Variants in TCFL5 observed in about 807,000 individuals in gnomAD.
TCFL5 encodes the protein transcription factor-like 5 protein.
TCFL5 carries 9 observed loss-of-function variants against 44.3 expected under a neutral mutation model. The observed-to-expected ratio is 0.20, with a 90% CI of 0.12 to 0.35. The LOEUF is 0.35. Ranked by LOEUF, TCFL5 falls within the 10% of genes least tolerant of loss-of-function variation. The pLI is 1.00. For synonymous variants in TCFL5, 319 were observed against 271.6 expected (o/e 1.17, Z -1.72); for missense variants, 603 against 613.4 (o/e 0.98, Z 0.18).
intron 2 of TCFL5, among the ~76,000 whole-genome samples, chr20:62,859,734 T>TG (rs1310196597): frequency 6.6e-6 from 1 of 152,012 alleles, no homozygotes; most frequent in African/African-American, 2.4e-5. Flanking sequence ...TTTGTTTTTT[T>TG]TTTTGAGACA....
In TCFL5 at chr20:62,860,106, C is replaced by T; in HGVS notation, c.831+19G>A. 2 of 1,589,232 alleles carry T rather than the reference C, an allele frequency of 1.3e-6. No homozygotes were observed. The highest frequency in any genetic ancestry group is 1.7e-6 in the Non-Finnish European group (2 of 1,162,196). On this transcript the variant is annotated intron_variant, in intron 2 of 5. Transcript: ENST00000335351. ...CATTTAATACAAAAGAGCAAAGCTT[C>T]ACAAATCATGTTCCCTACCTGTGTC...
intron 3 of TCFL5, 74 bp from the exon 4 acceptor site, chr20:62,857,712 C>CT: frequency 6.5e-7 from 1 of 1,531,218 alleles, no homozygotes; most frequent in Non-Finnish European, 8.8e-7. Context: ...CAGTTTTGGC[C>CT]TTTTCAATCC....
Position 62,842,671 on chromosome 20 carries a change from G to A in TCFL5, c.1381-574C>T, listed in dbSNP as rs1376245623. 6.6e-6 allele frequency among the ~76,000 whole-genome samples: 1 copy of A among 152,188 alleles called. No homozygotes were observed. The highest frequency in any genetic ancestry group is 6.5e-5 in the Admixed American group (1 of 15,284). On this transcript the variant is annotated intron_variant, in intron 5 of 5. Transcript: ENST00000335351. This position sits in a 1 kb window ranked among gnomAD's most constrained non-coding sequence, Gnocchi z 4.3. The stretch of plus-strand genomic sequence containing the variant: ...CCAGCTACTTGGGAGGCTGAGGCAG[G>A]ACAATCTCTTGAGCCTGGGAGGTGG...
intron 5 of TCFL5, among the ~76,000 whole-genome samples, chr20:62,848,400 T>G: frequency 6.6e-6 from 1 of 152,216 alleles, no homozygotes; most frequent in East Asian, 1.9e-4. Flanking sequence ...ATAACAGTCT[T>G]GCACCAATGT....
chr20:62,851,570 T>C (rs893172525), intron 5 of TCFL5: 33 of 985,278 alleles, frequency 3.3e-5, no homozygotes, highest in East Asian at 1.1e-4. Context: ...AGTAACTGCA[T>C]TGTAAATAAC....
intron 5 of TCFL5, chr20:62,853,003 T>A: frequency 7.8e-7 from 1 of 1,282,884 alleles, no homozygotes; most frequent in South Asian, 1.2e-5. Context: ...ATTCACCCAG[T>A]CCGCAGAAGT....
At chr20:62,860,028 C>G (rs1461065869) in intron 2 of TCFL5, 97 bp downstream of exon 2, 1 of 1,266,890 alleles carries the variant, frequency 7.9e-7, no homozygotes, top group South Asian at 1.4e-5. Context: ...ATTAAGCTCA[C>G]TGAAGGGAAA....
At chr20:62,843,532 T>G (rs762296569) in intron 5 of TCFL5, among the ~76,000 whole-genome samples, 2 of 152,184 alleles carry the variant, frequency 1.3e-5, no homozygotes, top group Non-Finnish European at 2.9e-5. Context: ...ATTTGAAAAT[T>G]TCCATAAGTT....
chr20:62,847,662 G>A (rs1009910551), intron 5 of TCFL5, among the ~76,000 whole-genome samples: 2 of 152,194 alleles, frequency 1.3e-5, no homozygotes, highest in Admixed American at 6.5e-5. Context: ...AGCTACAAAC[G>A]CTTGCTCTGC....
intron 5 of TCFL5, 144 bp downstream of exon 5, chr20:62,853,872 G>T: frequency 2.5e-6 from 2 of 814,838 alleles, no homozygotes; most frequent in Non-Finnish European, 3.9e-6. Context: ...TCATTAAAGA[G>T]CAGAGCTTTG....
chr20:62,857,529 A>G lies in TCFL5; in HGVS notation c.1104T>C (p.Gly368=). 6.2e-7 allele frequency: 1 copy of G among 1,614,228 alleles called. No individual in the cohort carries two copies. Among genetic ancestry groups the G allele is most frequent in the South Asian group, 1.1e-5 (1 of 91,088 alleles). ...ALGEIQNVGE[G]ATATQGAWQS... ...GCCAAGCGCCTTGTGTGGCGGTGGCACCTTCGCCCACATTCTGAATCTCTC... is the reference window on the plus strand; with the variant it reads ...GCCAAGCGCCTTGTGTGGCGGTGGCGCCTTCGCCCACATTCTGAATCTCTC... Residue 368 remains glycine, a synonymous_variant, in exon 4 of 6, where the codon GGT becomes GGC. Transcript: ENST00000335351.
intron 5 of TCFL5, among the ~76,000 whole-genome samples, chr20:62,848,017 A>G (rs914087247): frequency 6.6e-6 from 1 of 152,254 alleles, no homozygotes; most frequent in Non-Finnish European, 1.5e-5. Flanking sequence ...GGTTGCCAGT[A>G]CAGGACACGA....
intron 3 of TCFL5, among the ~76,000 whole-genome samples, chr20:62,858,640 T>C (rs138435628): frequency 0.02 from 2,864 of 144,294 alleles, 39 homozygotes; most frequent in South Asian, 0.031. Flanking sequence ...GCTACGCAGG[T>C]GTTTCCCAGG....
intron 5 of TCFL5, among the ~76,000 whole-genome samples, chr20:62,848,257 G>C (rs914072149): frequency 3.9e-5 from 6 of 152,252 alleles, no homozygotes; most frequent in African/African-American, 1.4e-4. Context: ...GGAGGCCCCA[G>C]GAGTGGCTGG....
At chr20:62,845,353 C>G (rs1462463853) in intron 5 of TCFL5, 2 of 1,113,494 alleles carry the variant, frequency 1.8e-6, no homozygotes, top group Non-Finnish European at 2.2e-6. Context: ...GAACTCCTGA[C>G]CTCAGGTAAT....
chr20:62,845,590 C>A, intron 5 of TCFL5: 15 of 1,548,726 alleles, frequency 9.7e-6, no homozygotes, highest in Non-Finnish European at 1.3e-5. Flanking sequence ...CCTGGGCCGG[C>A]TCCGGAGAAG....
chr20:62,853,748 C>T (rs1426921053), intron 5 of TCFL5, among the ~76,000 whole-genome samples: 1 of 152,140 alleles, frequency 6.6e-6, no homozygotes, highest in Non-Finnish European at 1.5e-5. Flanking sequence ...TGCAATATAC[C>T]GTACACAGCA....
rs1443628621 is a variant in TCFL5 at position 62,841,713 on chromosome 20, CTAATTATTACTAAT to C, written c.*248_*261del. 2.2e-5 allele frequency: 6 copies of C among 267,266 alleles called. No individual in the cohort carries two copies. The highest frequency in any genetic ancestry group is 8.9e-5 in the African/African-American group (4 of 45,106). The allele number at this position is 267,266 out of a possible 1,614,324, so 16.6% of individuals were successfully genotyped here. ...AATCAGAGCATTGAGAAAATGCTTA[CTAATTATTACTAAT>C]TAATTATTACTAATTATTAAGATGG... is the stretch of plus-strand genomic sequence containing the variant. On this transcript the variant is annotated 3_prime_UTR_variant, in exon 6 of 6. Coordinates refer to ENST00000335351, the MANE Select transcript of TCFL5 (RefSeq NM_006602.4).
chr20:62,844,757 G>A (rs1201545446), intron 5 of TCFL5: 10 of 450,636 alleles, frequency 2.2e-5, no homozygotes, highest in African/African-American at 1.9e-4. Flanking sequence ...CACCACACCC[G>A]GCTAATTTTT....
Sources: gnomAD v4.1 joint callset for allele counts (sites outside exome capture counted in the v4.1 genomes callset) on GRCh38, gnomAD v4.1.1 for gene constraint, Gnocchi (gnomAD v3.1) non-coding constraint, MANE v1.5 for transcripts, NCBI Gene and HGNC (gene_info 2026-07-23, HGNC 2026-07-21) for gene names.